Variants in CSAD observed in about 807,000 individuals in gnomAD.
The protein encoded by CSAD is cysteine sulfinic acid decarboxylase.
In CSAD, 47 loss-of-function variants were observed where a neutral mutation model predicts 61.5. The observed-to-expected ratio is 0.76, with a 90% CI of 0.60 to 0.97. The LOEUF (loss-of-function observed/expected upper bound fraction) is 0.97, where lower values mean the gene tolerates loss of function less well. Ranked by LOEUF, CSAD falls within the 50% of genes least tolerant of loss-of-function variation. The pLI, the probability that CSAD is intolerant of heterozygous loss-of-function variation, is 0.00. For synonymous variants in CSAD, 245 were observed against 252.7 expected (o/e 0.97, Z 0.29); for missense variants, 611 against 643.6 (o/e 0.95, Z 0.55).
At chr12:53,170,845 T>C in intron 8 of CSAD, 1 of 382,810 alleles carries the variant, frequency 2.6e-6, no homozygotes, top group South Asian at 2.2e-5. Context: ...CTCAGCCTCC[T>C]AAGCAGCTGG....
intron 2 of CSAD, among the ~76,000 whole-genome samples, chr12:53,178,877 T>C (rs1236033986): frequency 6.6e-6 from 1 of 152,234 alleles, no homozygotes; most frequent in Admixed American, 6.5e-5. Context: ...TTTTTCTTTT[T>C]TGAGACAGAG....
intron 10 of CSAD, among the ~76,000 whole-genome samples, chr12:53,162,828 G>A (rs993025581): frequency 6.6e-6 from 1 of 151,980 alleles, no homozygotes; most frequent in Non-Finnish European, 1.5e-5. Flanking sequence ...TTGGGAGGCC[G>A]AGGCGGGCGG....
chr12:53,160,698 G>A (rs895201224), intron 13 of CSAD, 65 bp downstream of exon 13: 1 of 1,342,570 alleles, frequency 7.4e-7, no homozygotes, highest in Non-Finnish European at 1.0e-6. Context: ...TTTATCTAAG[G>A]TGGGATAGAG....
chr12:53,172,041 C>A (rs528111239), intron 6 of CSAD, 53 bp from the exon 7 acceptor site: 19 of 1,344,914 alleles, frequency 1.4e-5, no homozygotes, highest in Non-Finnish European at 1.9e-5. Flanking sequence ...ACTGCCCAGA[C>A]AGGCCCTTAA....
At chr12:53,180,131 G>T in intron 1 of CSAD, 1 of 1,283,982 alleles carries the variant, frequency 7.8e-7, no homozygotes, top group South Asian at 2.0e-5. Context: ...GGCTACTCAA[G>T]GAACGCCTCT....
chr12:53,171,387 G>C lies in CSAD; in HGVS notation c.506C>G (p.Pro169Arg). 6.2e-7 allele frequency: 1 copy of C among 1,614,014 alleles called. No homozygotes were observed. The highest frequency in any genetic ancestry group is 1.1e-5 in the South Asian group (1 of 91,088). Residue 169 changes from proline (P) to arginine (R), a missense_variant, in exon 8 of 17, where the codon CCG (proline) becomes CGG (arginine). By Grantham distance (103) the Pro-to-Arg change is moderately radical (BLOSUM62 -2). Transcript: ENST00000444623. ...GCGGAGGCCCCTCTGCTTGCAATCC[G>C]GGTAGCGCTGATAGCGGGCCAGATT... ...AVNLARYQRYPDCKQRGLRTL... is the reference protein window; with the variant it reads ...AVNLARYQRYRDCKQRGLRTL...
chr12:53,176,324 C>T (rs1391176529), intron 2 of CSAD, among the ~76,000 whole-genome samples: 1 of 151,842 alleles, frequency 6.6e-6, no homozygotes. Flanking sequence ...GCAGAAGAAT[C>T]GCTTGAACCC....
intron 1 of CSAD, 87 bp downstream of exon 1, chr12:53,180,645 G>C (rs1425739067): frequency 5.5e-6 from 7 of 1,284,136 alleles, no homozygotes; most frequent in South Asian, 2.5e-5. Context: ...GAGCCCGGAA[G>C]TGGATGCAGC....
At chr12:53,165,662 CAAAAA>C (rs540475159) in intron 10 of CSAD, among the ~76,000 whole-genome samples, 1 of 46,966 alleles carries the variant, frequency 2.1e-5, no homozygotes, top group Non-Finnish European at 4.4e-5. Flanking sequence ...GACTCCATCT[CAAAAA>C]AAAAAAAAAA....
chr12:53,172,104 C>A, intron 6 of CSAD, 116 bp from the exon 7 acceptor site: 1 of 774,392 alleles, frequency 1.3e-6, no homozygotes, highest in Non-Finnish European at 2.1e-6. Context: ...AAGCAACAGT[C>A]CAAGGAGAAG....
At position 53,170,886 on chromosome 12, in the gene CSAD, AAT is replaced by A. The variant is rs575900447; in HGVS notation, c.568-386_568-385del. 6.2e-5 allele frequency: 23 copies of A among 370,572 alleles called. No homozygotes were observed. The East Asian group carries it at 1.5e-3, about 24-fold the overall frequency. 23.0% of individuals were successfully genotyped at this position (370,572 alleles called of 1,614,324 possible). A position where few individuals can be genotyped will look rare whatever the true frequency, so the allele number is the denominator to read the frequency against. On this transcript the variant is annotated intron_variant, in intron 8 of 16. Transcript: ENST00000444623. ...CAGGTGCCCACCACCATGCCTGGCT[AAT>A]TTTTTGTATTTTAGTAAAGAGGGGG... is the stretch of plus-strand genomic sequence containing the variant.
rs1939183833 is a variant in CSAD at position 53,160,749 on chromosome 12, A to G, written c.966+14T>C. The G allele has an allele frequency of 1.3e-6, 2 of 1,549,336 alleles. No homozygotes were observed. The highest frequency in any genetic ancestry group is 1.4e-5 in the African/African-American group (1 of 72,956). Reference sequence around the variant, plus strand: ...AGAGAGGTGGGGCTGGTGCAGGGGCAGGGGCAGACCCACCGAGGTATCCTG... The same window carrying G: ...AGAGAGGTGGGGCTGGTGCAGGGGCGGGGGCAGACCCACCGAGGTATCCTG... On this transcript the variant is annotated intron_variant, in intron 13 of 16. Coordinates refer to ENST00000444623, the MANE Select transcript of CSAD (RefSeq NM_001244705.2).
chr12:53,171,292 G>A, intron 8 of CSAD, 34 bp downstream of exon 8: 1 of 1,613,522 alleles, frequency 6.2e-7, no homozygotes, highest in Admixed American at 1.7e-5. Context: ...ATTAGAATCA[G>A]GAGCCCAGGG....
intron 9 of CSAD, 36 bp from the exon 10 acceptor site, chr12:53,170,162 G>T (rs1278183753): frequency 1.9e-6 from 3 of 1,597,122 alleles, no homozygotes; most frequent in Non-Finnish European, 2.6e-6. Flanking sequence ...AGCAGGGACA[G>T]GTTCTCTGTT....
At chr12:53,175,915 G>T (rs927586881) in intron 2 of CSAD, among the ~76,000 whole-genome samples, 1 of 152,200 alleles carries the variant, frequency 6.6e-6, no homozygotes, top group Non-Finnish European at 1.5e-5. Flanking sequence ...GAAAGAAGGT[G>T]AACTAATTGT....
Position 53,159,632 on chromosome 12 carries a change from C to A in CSAD, c.1299G>T (p.Arg433Ser). The change falls in exon 16 of 17, where the codon AGG (arginine) becomes AGT (serine). Residue 433 changes from arginine (R) to serine (S), a missense_variant. Arg to Ser is a moderately radical substitution (Grantham distance 110). Transcript: ENST00000444623. Reference protein sequence around the residue: ...GKQESPDYHERLSKVAPVLKE... With the variant: ...GKQESPDYHESLSKVAPVLKE... The stretch of plus-strand genomic sequence containing the variant: ...AGCACAGCACGCCTACCTTTGACAG[C>A]CTTTCGTGGTAATCTGGACTCTCCT... 1 of 1,610,572 alleles carries A rather than the reference C, an allele frequency of 6.2e-7. No individual in the cohort carries two copies. Among genetic ancestry groups the A allele is most frequent in the Non-Finnish European group, 8.5e-7 (1 of 1,178,490 alleles).
At chr12:53,178,290 T>C (rs1941256614) in intron 2 of CSAD, 1 of 446,750 alleles carries the variant, frequency 2.2e-6, no homozygotes, top group Non-Finnish European at 4.5e-6. Flanking sequence ...CTGGGCAACA[T>C]GGCAAAACCC....
chr12:53,165,659 T>C (rs556715865), intron 10 of CSAD, among the ~76,000 whole-genome samples: 1 of 116,746 alleles, frequency 8.6e-6, no homozygotes, highest in South Asian at 2.7e-4. Flanking sequence ...CAAGACTCCA[T>C]CTCAAAAAAA....
chr12:53,169,954 C>A, intron 10 of CSAD, 118 bp downstream of exon 10: 1 of 885,100 alleles, frequency 1.1e-6, no homozygotes, highest in South Asian at 1.4e-5. Context: ...CACTTCAGCC[C>A]ACAGGGGAGA....
Sources: gnomAD v4.1 joint callset for allele counts (sites outside exome capture counted in the v4.1 genomes callset) on GRCh38, gnomAD v4.1.1 for gene constraint, MANE v1.5 for transcripts, NCBI Gene and HGNC (gene_info 2026-07-23, HGNC 2026-07-21) for gene names.